The following LUC7L3 variants were observed in gnomAD, a reference collection of about 807,000 sequenced individuals.
LUC7L3 encodes luc7-like protein 3.
Under a neutral mutation model 66.8 loss-of-function variants are expected in LUC7L3, and 6 were observed. That is an observed-to-expected ratio of 0.09 (90% CI 0.05 to 0.18). The LOEUF (loss-of-function observed/expected upper bound fraction) is 0.18, where lower values mean the gene tolerates loss of function less well. LUC7L3 is among the 10% of genes least tolerant of loss of function. The probability of loss-of-function intolerance (pLI) is 1.00; values close to 1 mark genes in which losing one functional copy is unlikely to be tolerated. For synonymous variants in LUC7L3, 160 were observed against 174.7 expected (o/e 0.92, Z 0.66); for missense variants, 341 against 531.1 (o/e 0.64, Z 3.52).
chr17:50,745,054 A>ATCTCGGCTCAC (rs1354861312), intron 7 of LUC7L3, among the ~76,000 whole-genome samples: 1 of 151,998 alleles, frequency 6.6e-6, no homozygotes, highest in Non-Finnish European at 1.5e-5. Context: ...CAGTGGCGTG[A>ATCTCGGCTCAC]TCTCGGCTCA....
intron 1 of LUC7L3, 100 bp from the exon 2 acceptor site, chr17:50,736,860 T>TA (rs1970016651): frequency 1.4e-6 from 1 of 732,144 alleles, no homozygotes; most frequent in Non-Finnish European, 2.4e-6. Context: ...GGTTGAAACA[T>TA]ACATACCTCA....
chr17:50,731,626 A>G (rs1277565594), intron 1 of LUC7L3, among the ~76,000 whole-genome samples: 46 of 152,214 alleles, frequency 3.0e-4, no homozygotes, highest in Admixed American at 2.9e-3. Context: ...TATTGTGTAG[A>G]GTAACAGATA....
intron 1 of LUC7L3, among the ~76,000 whole-genome samples, chr17:50,727,987 A>G (rs1597895940): frequency 6.6e-6 from 1 of 151,540 alleles, no homozygotes; most frequent in Admixed American, 6.6e-5. Flanking sequence ...GTGTGGTGGC[A>G]GGCGCCTGTA....
At chr17:50,731,902 C>G (rs1384016404) in intron 1 of LUC7L3, among the ~76,000 whole-genome samples, 1 of 152,066 alleles carries the variant, frequency 6.6e-6, no homozygotes, top group Non-Finnish European at 1.5e-5. Flanking sequence ...GGAAACCTAC[C>G]CCCAGAGTCT....
At chr17:50,736,634 G>A (rs533698530) in intron 1 of LUC7L3, 4 of 269,394 alleles carry the variant, frequency 1.5e-5, no homozygotes, top group South Asian at 1.3e-4. Context: ...GATAAGAATA[G>A]CGTAAGAGTT....
At chr17:50,736,123 T>A (rs943978598) in intron 1 of LUC7L3, among the ~76,000 whole-genome samples, 8 of 152,162 alleles carry the variant, frequency 5.3e-5, no homozygotes, top group Admixed American at 5.2e-4. Context: ...ACAGAGTGAG[T>A]GAGACTCTGT....
chr17:50,730,652 C>T (rs1969543799), intron 1 of LUC7L3, among the ~76,000 whole-genome samples: 1 of 151,664 alleles, frequency 6.6e-6, no homozygotes, highest in African/African-American at 2.4e-5. Flanking sequence ...TTAAGATGTC[C>T]TTAATGGGCC....
At chr17:50,738,101 G>A in intron 2 of LUC7L3, 1 of 453,216 alleles carries the variant, frequency 2.2e-6, no homozygotes, top group Non-Finnish European at 4.4e-6. Context: ...CCTCTGCCCT[G>A]TTCCTAGAAG....
intron 1 of LUC7L3, among the ~76,000 whole-genome samples, chr17:50,726,013 G>A (rs1205956157): frequency 1.3e-5 from 2 of 152,110 alleles, no homozygotes; most frequent in African/African-American, 4.8e-5. Context: ...GTGTTGCCAG[G>A]CTCCACTTAA....
At chr17:50,739,467 C>T (rs1171053776) in intron 2 of LUC7L3, among the ~76,000 whole-genome samples, 2 of 152,148 alleles carry the variant, frequency 1.3e-5, no homozygotes, top group East Asian at 1.9e-4. Flanking sequence ...GCTTGCCCAA[C>T]AGGGTGAAAT....
chr17:50,747,176 A>C (rs1006233568), intron 9 of LUC7L3, among the ~76,000 whole-genome samples: 2 of 149,468 alleles, frequency 1.3e-5, no homozygotes, highest in South Asian at 4.2e-4. Flanking sequence ...TGTCTTACCC[A>C]CGTTTTCAAT....
chr17:50,751,295 A>G lies in LUC7L3; in HGVS notation c.*634A>G. The G allele has an allele frequency of 7.6e-7, 1 of 1,320,248 alleles. No individual in the cohort carries two copies. The highest frequency in any genetic ancestry group is 9.9e-7 in the Non-Finnish European group (1 of 1,009,534). The allele number at this position is 1,320,248 out of a possible 1,614,324, so 81.8% of individuals were successfully genotyped here. ...TGCAGCTGACTACCATACCTCACAC[A>G]GCGTTGGTGTTGTGAGCGGCCCATG... is the stretch of plus-strand genomic sequence containing the variant. On this transcript the variant is annotated 3_prime_UTR_variant, in exon 10 of 10. Transcript: ENST00000505658.
At chr17:50,720,200 G>A (rs1250454509) in intron 1 of LUC7L3, among the ~76,000 whole-genome samples, 1 of 152,204 alleles carries the variant, frequency 6.6e-6, no homozygotes, top group Admixed American at 6.5e-5. Context: ...GTTGAACGTC[G>A]TATTTAGACT....
chr17:50,726,517 G>A (rs911491110), intron 1 of LUC7L3, among the ~76,000 whole-genome samples: 3 of 152,090 alleles, frequency 2.0e-5, no homozygotes, highest in Non-Finnish European at 4.4e-5. Flanking sequence ...AGACCCATAC[G>A]AAGTGCAGCT....
chr17:50,729,170 C>G (rs977339608), intron 1 of LUC7L3, among the ~76,000 whole-genome samples: 1 of 152,006 alleles, frequency 6.6e-6, no homozygotes, highest in African/African-American at 2.4e-5. Flanking sequence ...GGTATACATA[C>G]ATTTAAGAAA....
At chr17:50,733,473 C>G (rs940586535) in intron 1 of LUC7L3, among the ~76,000 whole-genome samples, 1 of 147,136 alleles carries the variant, frequency 6.8e-6, no homozygotes, top group African/African-American at 2.5e-5. Context: ...GCCATCTTGG[C>G]TCACTGCAAG....
intron 1 of LUC7L3, among the ~76,000 whole-genome samples, chr17:50,733,568 A>AT (rs1331826610): frequency 6.6e-6 from 1 of 151,652 alleles, no homozygotes; most frequent in Non-Finnish European, 1.5e-5. Flanking sequence ...CGCCTGGCTA[A>AT]TTTTTTGTAT....
intron 7 of LUC7L3, among the ~76,000 whole-genome samples, chr17:50,745,313 TAAAA>T (rs1027397800): frequency 6.6e-6 from 1 of 152,192 alleles, no homozygotes; most frequent in Non-Finnish European, 1.5e-5. Flanking sequence ...TTTTAGCTAT[TAAAA>T]AAATCTATTT....
chr17:50,733,853 TTAATA>T (rs1969804678), intron 1 of LUC7L3, among the ~76,000 whole-genome samples: 2 of 152,172 alleles, frequency 1.3e-5, no homozygotes, highest in African/African-American at 4.8e-5. Context: ...CAAAACAGGG[TTAATA>T]TAATTGAAAG....
Sources: gnomAD v4.1 joint callset for allele counts (sites outside exome capture counted in the v4.1 genomes callset) on GRCh38, gnomAD v4.1.1 for gene constraint, MANE v1.5 for transcripts, NCBI Gene and HGNC (gene_info 2026-07-23, HGNC 2026-07-21) for gene names.